DCC: variants seen among roughly 807,000 people sequenced by gnomAD.
DCC encodes DCC netrin 1 receptor.
DCC carries 58 observed loss-of-function variants against 172.5 expected under a neutral mutation model. The ratio of observed to expected loss-of-function variants is 0.34; its 90% CI spans 0.27 to 0.42. The LOEUF is 0.42. DCC is among the 10% of genes least tolerant of loss of function. DCC has a pLI of 1.00. For missense variants in DCC, 1,740 were observed against 1,791.0 expected (o/e 0.97, Z 0.51); for synonymous variants, 709 against 644.5 (o/e 1.10, Z -1.52).
intron 5 of DCC, among the ~76,000 whole-genome samples, chr18:52,937,863 T>A (rs2040403418): frequency 6.6e-6 from 1 of 152,014 alleles, no homozygotes; most frequent in South Asian, 2.1e-4. Flanking sequence ...CCTACTCCAG[T>A]GTACACTTGA....
chr18:52,719,276 G>A (rs779401498), intron 1 of DCC, among the ~76,000 whole-genome samples: 1 of 152,038 alleles, frequency 6.6e-6, no homozygotes, highest in Non-Finnish European at 1.5e-5. Context: ...GGTTCCAGGA[G>A]GATATAATTT....
chr18:52,945,753 G>T (rs2040534778), intron 5 of DCC, among the ~76,000 whole-genome samples: 1 of 137,902 alleles, frequency 7.3e-6, no homozygotes, highest in Non-Finnish European at 1.7e-5. Context: ...CCCCCAAGCT[G>T]TCCACTGCTT....
At chr18:53,230,144 C>G (rs926808276) in intron 12 of DCC, among the ~76,000 whole-genome samples, 4 of 152,080 alleles carry the variant, frequency 2.6e-5, no homozygotes, top group African/African-American at 9.6e-5. Context: ...TCTGCACCTT[C>G]TGTGAAATAC....
intron 15 of DCC, among the ~76,000 whole-genome samples, chr18:53,360,393 T>C (rs1426743824): frequency 2.0e-5 from 3 of 152,142 alleles, no homozygotes; most frequent in Non-Finnish European, 4.4e-5. Flanking sequence ...AGCATAATCA[T>C]TTGAGAGAGG....
rs552206579 is a variant in DCC, at chr18:53,121,287, T to C, written c.1262-36069T>C. Among the ~76,000 whole-genome samples the C allele has an allele frequency of 1.1e-3, 174 of 152,054 alleles. 1 individual carries two copies. The highest frequency in any genetic ancestry group is 2.0e-3 in the Non-Finnish European group (139 of 67,888). ...AAACTAGGGACCATTGTAACCACTC[T>C]GAAATACAAAATATCATTTCTGTAA... On this transcript the variant is annotated intron_variant, in intron 7 of 28. Transcript: ENST00000442544.
intron 2 of DCC, among the ~76,000 whole-genome samples, chr18:52,870,229 C>T (rs927710579): frequency 3.9e-5 from 6 of 151,978 alleles, no homozygotes; most frequent in Admixed American, 6.6e-5. Flanking sequence ...GAACAGAGTC[C>T]GGAGTGGTGG....
chr18:53,374,730 A>T (rs1343382317), intron 15 of DCC, among the ~76,000 whole-genome samples: 1 of 152,196 alleles, frequency 6.6e-6, no homozygotes, highest in East Asian at 1.9e-4. Flanking sequence ...AGTCTCAGAC[A>T]CTTGTTGAGT....
rs79357155 is a variant in DCC, at chr18:52,378,976, T to G, written c.91+38098T>G. Among the ~76,000 whole-genome samples, 1,201 of 152,296 alleles carry G rather than the reference T, an allele frequency of 7.9e-3. 19 individuals carry two copies. The highest frequency in any genetic ancestry group is 0.028 in the African/African-American group (1,146 of 41,570). On this transcript the variant is annotated intron_variant, in intron 1 of 28. Transcript: ENST00000442544. Reference sequence around the variant, plus strand: ...TATAGCGAGTTTTGTGTACGTGCCCTTGTTGTAGGAAAGGTAAAGTATAGG... The same window carrying G: ...TATAGCGAGTTTTGTGTACGTGCCCGTGTTGTAGGAAAGGTAAAGTATAGG...
intron 1 of DCC, among the ~76,000 whole-genome samples, chr18:52,366,582 C>A (rs1433842192): frequency 6.6e-6 from 1 of 151,758 alleles, no homozygotes; most frequent in Non-Finnish European, 1.5e-5. Flanking sequence ...ACCACCAGAG[C>A]AGCTAGATAC....
In DCC at chr18:52,524,823, A is replaced by G. The variant is rs77825296; in HGVS notation, c.91+183945A>G. On this transcript the variant is annotated intron_variant, in intron 1 of 28. Coordinates refer to ENST00000442544, the MANE Select transcript of DCC (RefSeq NM_005215.4). The stretch of plus-strand genomic sequence containing the variant: ...TTTCTAATTAGCAGTTCTATATCAG[A>G]TAGCATATAATAGAAGGCCAAGGGT... 8.5e-3 allele frequency among the ~76,000 whole-genome samples: 1,287 copies of G among 152,242 alleles called. 26 individuals carry two copies. The highest frequency in any genetic ancestry group is 0.03 in the African/African-American group (1,237 of 41,542).
intron 1 of DCC, among the ~76,000 whole-genome samples, chr18:52,708,252 TAACACAGTGA>T (rs2036241087): frequency 6.6e-6 from 1 of 151,964 alleles, no homozygotes; most frequent in South Asian, 2.1e-4. Flanking sequence ...CCATCCTGGC[TAACACAGTGA>T]AACCCCGTCT....
intron 1 of DCC, among the ~76,000 whole-genome samples, chr18:52,497,780 G>A (rs561914744): frequency 6.6e-6 from 1 of 151,990 alleles, no homozygotes; most frequent in Non-Finnish European, 1.5e-5. Flanking sequence ...GCATCACCAC[G>A]GGGAGCTTGA....
At chr18:53,075,646 T>C (rs1316221101) in intron 7 of DCC, among the ~76,000 whole-genome samples, 1 of 152,158 alleles carries the variant, frequency 6.6e-6, no homozygotes, top group African/African-American at 2.4e-5. Flanking sequence ...ATTTGTTATA[T>C]TTTTATCTTT....
intron 1 of DCC, among the ~76,000 whole-genome samples, chr18:52,671,302 T>C (rs2035548725): frequency 6.6e-6 from 1 of 152,138 alleles, no homozygotes; most frequent in East Asian, 1.9e-4. Flanking sequence ...TGACTGAGTG[T>C]GTGACTGATT....
At chr18:52,782,417 T>C (rs181569748) in intron 2 of DCC, among the ~76,000 whole-genome samples, 130 of 152,030 alleles carry the variant, frequency 8.6e-4, no homozygotes, top group African/African-American at 3.1e-3. Context: ...GAAATTCAAG[T>C]TTCTATTTTT....
chr18:52,915,785 A>T (rs1039524372), intron 3 of DCC, among the ~76,000 whole-genome samples: 1 of 152,148 alleles, frequency 6.6e-6, no homozygotes, highest in African/African-American at 2.4e-5. Context: ...GAAAAAGAAG[A>T]AATATATTTA....
chr18:52,830,738 C>T (rs1469887168), intron 2 of DCC, among the ~76,000 whole-genome samples: 1 of 152,064 alleles, frequency 6.6e-6, no homozygotes, highest in Non-Finnish European at 1.5e-5. Flanking sequence ...CGTTGGGACC[C>T]AAGAAACCTC....
chr18:52,589,402 G>A (rs1305464446), intron 1 of DCC, among the ~76,000 whole-genome samples: 1 of 152,182 alleles, frequency 6.6e-6, no homozygotes, highest in East Asian at 1.9e-4. Flanking sequence ...ATATCCAAGA[G>A]TGTCAACCTT....
chr18:52,565,591 G>C lies in DCC; in HGVS notation c.92-186463G>C, dbSNP rs143239952. Among the ~76,000 whole-genome samples, 209 of 152,306 alleles carry C rather than the reference G, an allele frequency of 1.4e-3. No individual in the cohort carries two copies. The East Asian group carries it at 0.029, about 21-fold the overall frequency. On this transcript the variant is annotated intron_variant, in intron 1 of 28. Coordinates refer to ENST00000442544, the MANE Select transcript of DCC (RefSeq NM_005215.4). ...TTGATTTGCTTTTCTCTAATGACGAGTGATAATGAGCTCTTTTTCATATGT... is the reference window on the plus strand; with the variant it reads ...TTGATTTGCTTTTCTCTAATGACGACTGATAATGAGCTCTTTTTCATATGT...
Sources: allele counts gnomAD v4.1 joint callset (sites outside exome capture counted in the v4.1 genomes callset), GRCh38; gene constraint gnomAD v4.1.1; transcripts MANE v1.5; gene names NCBI Gene and HGNC (gene_info 2026-07-23, HGNC 2026-07-21).